Variants in MYO5B observed in about 807,000 individuals in gnomAD.
The protein encoded by MYO5B is unconventional myosin-Vb.
Under a neutral mutation model 229.3 loss-of-function variants are expected in MYO5B, and 143 were observed. The ratio of observed to expected loss-of-function variants is 0.62; its 90% CI spans 0.54 to 0.72. The LOEUF (loss-of-function observed/expected upper bound fraction) is 0.72. Ranked by LOEUF, MYO5B falls within the 30% of genes least tolerant of loss-of-function variation. The pLI is 0.00. For synonymous variants in MYO5B, 918 were observed against 885.2 expected (o/e 1.04, Z -0.66); for missense variants, 2,321 against 2,331.0 (o/e 1.00, Z 0.09).
In MYO5B at chr18:49,912,121, C is replaced by T. The variant is rs2144161362; in HGVS notation, c.2143G>A (p.Glu715Lys). The change falls in exon 18 of 40, where the codon GAG (glutamate) becomes AAG (lysine). Residue 715 changes from glutamate (E) to lysine (K), a missense_variant. By Grantham distance (56) the Glu-to-Lys change is moderately conservative. This residue lies in a region of MYO5B where 2,113 missense variants were observed against 2,044.7 expected (regional missense o/e 1.03). Coordinates refer to ENST00000285039, the MANE Select transcript of MYO5B (RefSeq NM_001080467.3). ...NRYRVLVKKR[E>K]LANTDKKAIC... ...GCCTTTTTGTCTGTGTTGGCGAGCT[C>T]TCTCTTCTTGACCAGCACCCGATAC... 1 of 1,614,108 alleles carries T rather than the reference C, an allele frequency of 6.2e-7. No homozygotes were observed. Among genetic ancestry groups the T allele is most frequent in the Non-Finnish European group, 8.5e-7 (1 of 1,180,028 alleles).
chr18:50,017,704 T>C (rs1461996305), intron 4 of MYO5B, among the ~76,000 whole-genome samples: 3 of 152,182 alleles, frequency 2.0e-5, no homozygotes, highest in Non-Finnish European at 4.4e-5. Context: ...TGAAGGACAG[T>C]TGTTGAAAAT....
intron 2 of MYO5B, among the ~76,000 whole-genome samples, chr18:50,041,661 GAACA>G (rs2030018977): frequency 6.6e-6 from 1 of 151,924 alleles, no homozygotes; most frequent in Non-Finnish European, 1.5e-5. Flanking sequence ...AGTTTAGATA[GAACA>G]AACATTAAAA....
Position 49,864,195 on chromosome 18 carries a change from G to A in MYO5B, c.3789C>T (p.Ile1263=), listed in dbSNP as rs943582004. 3.1e-6 allele frequency: 5 copies of A among 1,613,330 alleles called. No homozygotes were observed. The highest frequency in any genetic ancestry group is 1.7e-4 in the Middle Eastern group (1 of 6,060). ...CGGCGCTCACGATCTGGGTCCTGAG[G>A]ATGAGCACCTCCTCCTTGCGCACCT... ...ELEVRKEEVL[I]LRTQIVSADQ... Residue 1263 remains isoleucine (I), a synonymous_variant, in exon 28 of 40, where the codon ATC becomes ATT. Transcript: ENST00000285039.
At chr18:50,004,255 G>A (rs1164816927) in intron 4 of MYO5B, among the ~76,000 whole-genome samples, 1 of 152,192 alleles carries the variant, frequency 6.6e-6, no homozygotes, top group Non-Finnish European at 1.5e-5. Flanking sequence ...CAAGGCAACG[G>A]AACAGTAAAA....
At chr18:49,839,374 G>T in intron 35 of MYO5B, 80 bp from the exon 36 acceptor site, 1 of 1,550,104 alleles carries the variant, frequency 6.5e-7, no homozygotes, top group Non-Finnish European at 8.8e-7. Context: ...GGTAACTTTA[G>T]TCATCTATTT....
chr18:49,943,845 C>G (rs747390035), intron 14 of MYO5B, among the ~76,000 whole-genome samples: 42 of 152,066 alleles, frequency 2.8e-4, no homozygotes, highest in Non-Finnish European at 4.6e-4. Context: ...AAAGATGCGA[C>G]TAAATCGGGG....
At chr18:50,144,159 T>C (rs2144291426) in intron 1 of MYO5B, among the ~76,000 whole-genome samples, 1 of 152,202 alleles carries the variant, frequency 6.6e-6, no homozygotes, top group Admixed American at 6.5e-5. Context: ...AACCAGATTG[T>C]AGGAAACCCA....
rs562977717 is a variant in MYO5B, at chr18:50,137,051, A to T, written c.27+57716T>A. ...GCTAGTGCTTACTTTTATGTCCCTC[A>T]TGGATTCTTAGAAGATGATAGTAAG... is the stretch of plus-strand genomic sequence containing the variant. On this transcript the variant is annotated intron_variant, in intron 1 of 39. Coordinates refer to ENST00000285039, the MANE Select transcript of MYO5B (RefSeq NM_001080467.3). Among the ~76,000 whole-genome samples the T allele has an allele frequency of 4.6e-5, 7 of 152,218 alleles. No individual in the cohort carries two copies. The South Asian group carries it at 1.4e-3, about 32-fold the overall frequency.
intron 2 of MYO5B, among the ~76,000 whole-genome samples, chr18:50,048,226 A>G (rs2030293089): frequency 6.6e-6 from 1 of 151,968 alleles, no homozygotes. Flanking sequence ...TATTCTCCTT[A>G]AAGAGAACCT....
At chr18:49,839,690 G>T (rs2024033529) in intron 35 of MYO5B, among the ~76,000 whole-genome samples, 1 of 152,224 alleles carries the variant, frequency 6.6e-6, no homozygotes. Context: ...AAAGGAGTGT[G>T]GCCATGGGCC....
intron 1 of MYO5B, among the ~76,000 whole-genome samples, chr18:50,185,301 A>AAG (rs1555667725): frequency 4.6e-5 from 7 of 151,586 alleles, no homozygotes; most frequent in South Asian, 4.2e-4. Context: ...AAAAAAAAAA[A>AAG]AGAGAGAGAG....
At chr18:50,066,519 G>A (rs1004096997) in intron 1 of MYO5B, among the ~76,000 whole-genome samples, 3 of 152,172 alleles carry the variant, frequency 2.0e-5, no homozygotes, top group Admixed American at 1.3e-4. Context: ...TGTTGTTTCA[G>A]AGGGTTGAAT....
chr18:49,875,968 G>T, intron 25 of MYO5B, 141 bp from the exon 26 acceptor site: 4 of 998,358 alleles, frequency 4.0e-6, no homozygotes, highest in African/African-American at 1.6e-5. Context: ...CAAATACAAA[G>T]CCAATGACAA....
chr18:50,025,423 C>T (rs2026319971), intron 4 of MYO5B, among the ~76,000 whole-genome samples: 1 of 152,204 alleles, frequency 6.6e-6, no homozygotes, highest in Admixed American at 6.5e-5. Context: ...CCCTTAAAAA[C>T]TCCAGCCCGG....
At chr18:49,952,966 C>T (rs1388677377) in intron 14 of MYO5B, among the ~76,000 whole-genome samples, 1 of 152,010 alleles carries the variant, frequency 6.6e-6, no homozygotes, top group Non-Finnish European at 1.5e-5. Flanking sequence ...ACCTCCCATG[C>T]TCCCCTATCC....
intron 1 of MYO5B, among the ~76,000 whole-genome samples, chr18:50,086,894 T>C (rs2031342407): frequency 6.6e-6 from 1 of 152,116 alleles, no homozygotes; most frequent in Non-Finnish European, 1.5e-5. Context: ...CCACTACATA[T>C]AGTGGAGTGG....
chr18:49,938,033 G>T (rs1265151965), intron 14 of MYO5B, among the ~76,000 whole-genome samples: 2 of 152,162 alleles, frequency 1.3e-5, no homozygotes, highest in Non-Finnish European at 2.9e-5. Flanking sequence ...TAGGAAAAAA[G>T]TTGCTTTCCC....
At chr18:49,914,100 C>T (rs1298020228) in intron 17 of MYO5B, among the ~76,000 whole-genome samples, 1 of 152,178 alleles carries the variant, frequency 6.6e-6, no homozygotes, top group African/African-American at 2.4e-5. Flanking sequence ...GCCTGGGTAC[C>T]AAGTGGGCAC....
At chr18:50,067,549 G>A (rs1313917958) in intron 1 of MYO5B, among the ~76,000 whole-genome samples, 1 of 152,146 alleles carries the variant, frequency 6.6e-6, no homozygotes, top group Admixed American at 6.5e-5. Context: ...GGGATGTTTG[G>A]TCACGTGTGC....
Sources: gnomAD v4.1 joint callset for allele counts (sites outside exome capture counted in the v4.1 genomes callset) on GRCh38, gnomAD v4.1.1 for gene constraint, gnomAD v4.1.1 regional missense constraint, MANE v1.5 for transcripts, NCBI Gene and HGNC (gene_info 2026-07-23, HGNC 2026-07-21) for gene names.